PCDH9: variants seen among roughly 807,000 people sequenced by gnomAD.
PCDH9 encodes protocadherin-9.
Under a neutral mutation model 70.6 loss-of-function variants are expected in PCDH9, and 24 were observed. That is an observed-to-expected ratio of 0.34 (90% CI 0.25 to 0.48). PCDH9 has a LOEUF of 0.48. Ranked by LOEUF, PCDH9 falls within the 20% of genes least tolerant of loss-of-function variation. PCDH9 has a pLI of 0.99. For missense variants in PCDH9, 1,281 were observed against 1,503.6 expected, an observed-to-expected ratio of 0.85 and a Z score of 2.45; for synonymous variants, 562 against 558.5, an observed-to-expected ratio of 1.01 and a Z score of -0.09.
At chr13:67,015,680 C>T (rs1170641758) in intron 2 of PCDH9, among the ~76,000 whole-genome samples, 1 of 152,142 alleles carries the variant, frequency 6.6e-6, no homozygotes, top group African/African-American at 2.4e-5. Flanking sequence ...TTTGATGATT[C>T]TCTCAACAGC....
At chr13:67,093,410 C>T (rs867783764) in intron 2 of PCDH9, among the ~76,000 whole-genome samples, 2 of 152,072 alleles carry the variant, frequency 1.3e-5, no homozygotes, top group South Asian at 2.1e-4. Context: ...GCTAAGATTG[C>T]GCCACTGCAC....
intron 2 of PCDH9, among the ~76,000 whole-genome samples, chr13:67,198,485 C>T (rs1009177700): frequency 5.9e-5 from 9 of 151,952 alleles, no homozygotes; most frequent in East Asian, 1.9e-4. Flanking sequence ...CTAATTTTAT[C>T]GTTTCTTCCA....
At position 67,227,941 on chromosome 13, in the gene PCDH9, G is replaced by A; in HGVS notation, c.500C>T (p.Thr167Ile). ...ACCATTGAAGCCTGTGTCAGGATCT[G>A]TTGCTGATGGAATTGGAAAGCGGCT... Reference protein sequence around the residue: ...INSRFPIPSATDPDTGFNGVQ... With the variant: ...INSRFPIPSAIDPDTGFNGVQ... The change falls in exon 2 of 5, where the codon ACA becomes ATA. Residue 167 changes from threonine to isoleucine, a missense_variant. Thr to Ile is a moderately conservative substitution (Grantham distance 89). This residue lies in a region of PCDH9 where 798 missense variants were observed against 1,003.1 expected (regional missense o/e 0.80). Coordinates refer to ENST00000377865, the MANE Select transcript of PCDH9 (RefSeq NM_203487.3). The surrounding 1 kb of genome is among the most constrained non-coding windows in gnomAD (Gnocchi z 4.6). 6.2e-7 allele frequency: 1 copy of A among 1,614,078 alleles called. No homozygotes were observed. Among genetic ancestry groups the A allele is most frequent in the Non-Finnish European group, 8.5e-7 (1 of 1,180,042 alleles).
chr13:66,713,612 A>AGTGTGT (rs140475590), intron 3 of PCDH9, among the ~76,000 whole-genome samples: 26 of 110,922 alleles, frequency 2.3e-4, no homozygotes, highest in African/African-American at 8.7e-4. Context: ...ATATATATAA[A>AGTGTGT]GTGTGTGTGT....
intron 4 of PCDH9, among the ~76,000 whole-genome samples, chr13:66,387,245 A>G (rs1206122900): frequency 1.3e-5 from 2 of 152,148 alleles, no homozygotes; most frequent in Admixed American, 6.5e-5. Flanking sequence ...CCACCTTTTG[A>G]TTGATTTCTA....
intron 2 of PCDH9, among the ~76,000 whole-genome samples, chr13:67,177,689 G>A (rs773920339): frequency 2.1e-4 from 32 of 151,922 alleles, no homozygotes; most frequent in Non-Finnish European, 3.5e-4. Context: ...CCTCTTGCAG[G>A]CAAGCGTTCA....
intron 4 of PCDH9, among the ~76,000 whole-genome samples, chr13:66,430,429 A>C (rs959147460): frequency 2.0e-5 from 3 of 152,086 alleles, no homozygotes; most frequent in African/African-American, 7.2e-5. Flanking sequence ...CACAGCTGCA[A>C]ATCTTGGCTC....
At chr13:66,733,032 C>T (rs140098062) in intron 3 of PCDH9, among the ~76,000 whole-genome samples, 13 of 152,054 alleles carry the variant, frequency 8.5e-5, no homozygotes, top group Non-Finnish European at 1.8e-4. Context: ...TACTAAATTA[C>T]GTATTTTAAC....
intron 4 of PCDH9, among the ~76,000 whole-genome samples, chr13:66,601,728 T>G (rs1455840616): frequency 6.8e-6 from 1 of 146,054 alleles, no homozygotes; most frequent in Non-Finnish European, 1.5e-5. Flanking sequence ...AGTGATGGCC[T>G]GTGTATAGGA....
intron 3 of PCDH9, among the ~76,000 whole-genome samples, chr13:66,785,673 T>C (rs957381251): frequency 1.3e-5 from 2 of 152,106 alleles, no homozygotes; most frequent in South Asian, 2.1e-4. Flanking sequence ...TTGGCTATAC[T>C]TCCTTTGATT....
chr13:66,624,757 G>A (rs1396489586), intron 4 of PCDH9, among the ~76,000 whole-genome samples: 6 of 152,098 alleles, frequency 3.9e-5, no homozygotes, highest in African/African-American at 1.4e-4. Context: ...TTAAATATAT[G>A]AAATATGCTT....
intron 2 of PCDH9, among the ~76,000 whole-genome samples, chr13:67,193,247 T>C (rs1291141818): frequency 1.3e-5 from 2 of 151,822 alleles, no homozygotes; most frequent in Admixed American, 1.3e-4. Context: ...AAAATGATAG[T>C]GTCATAAGAT....
intron 3 of PCDH9, among the ~76,000 whole-genome samples, chr13:66,866,623 C>G (rs531258022): frequency 6.6e-6 from 1 of 151,968 alleles, no homozygotes; most frequent in East Asian, 1.9e-4. Flanking sequence ...ATGGCGAAAC[C>G]CCATCTTTAC....
chr13:66,597,264 C>A (rs528266639), intron 4 of PCDH9, among the ~76,000 whole-genome samples: 1 of 151,516 alleles, frequency 6.6e-6, no homozygotes, highest in Admixed American at 6.6e-5. Flanking sequence ...GGAAAAAAAT[C>A]CAATAATTAA....
intron 2 of PCDH9, among the ~76,000 whole-genome samples, chr13:66,972,850 CCT>C (rs1209332655): frequency 6.6e-6 from 1 of 152,002 alleles, no homozygotes; most frequent in Non-Finnish European, 1.5e-5. Context: ...TTGTACTTGT[CCT>C]GCCTTTAAAA....
intron 4 of PCDH9, among the ~76,000 whole-genome samples, chr13:66,399,045 G>A (rs1274402208): frequency 2.0e-5 from 3 of 151,854 alleles, no homozygotes; most frequent in Admixed American, 6.6e-5. Flanking sequence ...AGAAAATAGT[G>A]GACTGGAAAC....
intron 2 of PCDH9, among the ~76,000 whole-genome samples, chr13:67,129,048 C>A (rs1333007679): frequency 6.6e-6 from 1 of 152,020 alleles, no homozygotes. Context: ...TACTTAACAC[C>A]ACCTTGGGAC....
At chr13:66,532,770 T>G (rs1342254310) in intron 4 of PCDH9, among the ~76,000 whole-genome samples, 1 of 152,088 alleles carries the variant, frequency 6.6e-6, no homozygotes, top group Non-Finnish European at 1.5e-5. Context: ...ATTAATTTTA[T>G]TTTTTTAATC....
At chr13:66,340,832 C>A (rs190942222) in intron 4 of PCDH9, among the ~76,000 whole-genome samples, 68 of 152,206 alleles carry the variant, frequency 4.5e-4, no homozygotes, top group African/African-American at 1.6e-3. Context: ...TTTACAAAAT[C>A]TGAATTACTA....
Sources: gnomAD v4.1 joint callset for allele counts (sites outside exome capture counted in the v4.1 genomes callset) on GRCh38, gnomAD v4.1.1 for gene constraint, gnomAD v4.1.1 regional missense constraint, Gnocchi (gnomAD v3.1) non-coding constraint, MANE v1.5 for transcripts, NCBI Gene and HGNC (gene_info 2026-07-23, HGNC 2026-07-21) for gene names.